ATP2B4: variants seen among roughly 807,000 people sequenced by gnomAD.
The protein encoded by ATP2B4 is ATPase plasma membrane Ca2+ transporting 4, also known as plasma membrane calcium-transporting ATPase 4.
ATP2B4 carries 39 observed loss-of-function variants against 110.3 expected under a neutral mutation model. The ratio of observed to expected loss-of-function variants is 0.35; its 90% CI spans 0.27 to 0.46. ATP2B4 has a LOEUF of 0.46. Ranked by LOEUF, ATP2B4 falls within the 20% of genes least tolerant of loss-of-function variation. ATP2B4 has a pLI of 1.00. For missense variants in ATP2B4, 1,135 were observed against 1,530.9 expected, an observed-to-expected ratio of 0.74 and a Z score of 4.32; for synonymous variants, 538 against 571.7, an observed-to-expected ratio of 0.94 and a Z score of 0.84.
At chr1:203,665,799 C>CAAAAA (rs11371841) in intron 1 of ATP2B4, among the ~76,000 whole-genome samples, 2 of 132,686 alleles carry the variant, frequency 1.5e-5, no homozygotes, top group South Asian at 2.5e-4. Context: ...GACTCCATCT[C>CAAAAA]AAAAAAAAAA....
intron 14 of ATP2B4, 37 bp downstream of exon 14, chr1:203,713,289 G>A: frequency 6.2e-7 from 1 of 1,610,846 alleles, no homozygotes. Flanking sequence ...TGCAACAGCT[G>A]AAGGCAGGCC....
In ATP2B4 at chr1:203,712,152, TA is replaced by T; in HGVS notation, c.2211+14del. 1 of 1,612,536 alleles carries T rather than the reference TA, an allele frequency of 6.2e-7. No homozygotes were observed. Among genetic ancestry groups the T allele is most frequent in the Admixed American group, 1.7e-5 (1 of 59,956 alleles). On this transcript the variant is annotated intron_variant, in intron 13 of 20. Coordinates refer to ENST00000357681, the MANE Select transcript of ATP2B4 (RefSeq NM_001684.5). ...CGAGAAAGGCGAGGTGGGTCCTGGC[TA>T]GGGGGAACCAGGACCTCACCTGACA... is the stretch of plus-strand genomic sequence containing the variant.
At chr1:203,723,457 T>TCTCTCTCTCTCC (rs1407579331) in intron 18 of ATP2B4, among the ~76,000 whole-genome samples, 3 of 113,576 alleles carry the variant, frequency 2.6e-5, no homozygotes, top group African/African-American at 3.8e-5. Context: ...TCTCTCTCTC[T>TCTCTCTCTCTCC]CTCCCTCTGC....
intron 2 of ATP2B4, among the ~76,000 whole-genome samples, chr1:203,686,685 C>CTTTTGTTTTTTTTTTTTTTTT (rs1665194016): frequency 1.6e-4 from 7 of 42,774 alleles, no homozygotes; most frequent in African/African-American, 7.1e-4. Flanking sequence ...TCTTTTCTTT[C>CTTTTGTTTTTTTTTTTTTTTT]TTTTTTTTTT....
chr1:203,701,189 G>C (rs1306875419), intron 6 of ATP2B4, among the ~76,000 whole-genome samples: 1 of 151,806 alleles, frequency 6.6e-6, no homozygotes, highest in Non-Finnish European at 1.5e-5. Context: ...AAAGGGATGA[G>C]TTATAAAGCC....
At chr1:203,644,833 C>G (rs922886307) in intron 1 of ATP2B4, among the ~76,000 whole-genome samples, 8 of 152,176 alleles carry the variant, frequency 5.3e-5, no homozygotes, top group Non-Finnish European at 2.9e-5. Context: ...TCTAAGGAAG[C>G]TCCACCTTTC....
intron 1 of ATP2B4, among the ~76,000 whole-genome samples, chr1:203,638,141 G>A (rs2102301527): frequency 6.6e-6 from 1 of 152,246 alleles, no homozygotes; most frequent in South Asian, 2.1e-4. Context: ...GAGATGGGGA[G>A]GAAGGGGTGT....
rs763460859 is a variant in ATP2B4 at position 203,712,121 on chromosome 1, C to T, written c.2193C>T (p.Ile731=). 1.9e-6 allele frequency: 3 copies of T among 1,613,994 alleles called. No homozygotes were observed. In the South Asian group the frequency reaches 3.3e-5, roughly 18 times the overall value. ...AAGGCAAAGAATTCAACCGGCTCAT[C>T]CGCAACGAGAAAGGCGAGGTGGGTC... The part of the protein sequence containing the change: ...CLEGKEFNRL[I]RNEKGEVEQE... Residue 731 remains isoleucine (I), a synonymous_variant, in exon 13 of 21, where the codon ATC becomes ATT. Coordinates refer to ENST00000357681, the MANE Select transcript of ATP2B4 (RefSeq NM_001684.5).
At chr1:203,653,981 ATATATTT>A (rs1205684571) in intron 1 of ATP2B4, among the ~76,000 whole-genome samples, 1 of 7,568 alleles carries the variant, frequency 1.3e-4, no homozygotes, top group African/African-American at 1.8e-4. Context: ...ATATATATAT[ATATATTT>A]TTTTTTTTTT....
intron 1 of ATP2B4, among the ~76,000 whole-genome samples, chr1:203,658,120 A>T (rs1205141848): frequency 3.3e-5 from 5 of 152,148 alleles, no homozygotes; most frequent in Admixed American, 2.6e-4. Context: ...GCACTGAGAA[A>T]CCAAAACAAT....
At chr1:203,698,997 A>G (rs893371840) in intron 3 of ATP2B4, among the ~76,000 whole-genome samples, 7 of 152,018 alleles carry the variant, frequency 4.6e-5, no homozygotes, top group Non-Finnish European at 4.4e-5. Flanking sequence ...TTGGTCTCAA[A>G]CCCCTGGGGT....
At chr1:203,633,105 C>T (rs1663325934) in intron 1 of ATP2B4, among the ~76,000 whole-genome samples, 1 of 152,208 alleles carries the variant, frequency 6.6e-6, no homozygotes, top group Admixed American at 6.5e-5. Context: ...GTGCCAGAAA[C>T]TAGAGCATGC....
Position 203,683,408 on chromosome 1 carries a change from A to G in ATP2B4, c.193+10A>G, listed in dbSNP as rs1218868651. 6 of 1,588,580 alleles carry G rather than the reference A, an allele frequency of 3.8e-6. No individual in the cohort carries two copies. The African/African-American group carries it at 4.0e-5, about 11-fold the overall frequency. ...ACCTCCCCTGTGGAAGGTAAAGGCC[A>G]TATCAGGGGTGGGGAGTTGGAGGAA... is the stretch of plus-strand genomic sequence containing the variant. On this transcript the variant is annotated intron_variant, in intron 2 of 20. Coordinates refer to ENST00000357681, the MANE Select transcript of ATP2B4 (RefSeq NM_001684.5).
intron 1 of ATP2B4, among the ~76,000 whole-genome samples, chr1:203,630,948 C>T (rs1663249737): frequency 1.3e-5 from 2 of 152,224 alleles, no homozygotes; most frequent in Admixed American, 1.3e-4. Context: ...AGTATCTCTC[C>T]TTGTGTCCTC....
chr1:203,699,908 C>G (rs1237921692), intron 4 of ATP2B4, among the ~76,000 whole-genome samples, 191 bp downstream of exon 4: 2 of 152,104 alleles, frequency 1.3e-5, no homozygotes, highest in Non-Finnish European at 2.9e-5. Flanking sequence ...AACTCTGTCG[C>G]AAGATTGTCA....
chr1:203,721,370 A>G lies in ATP2B4; in HGVS notation c.2772A>G (p.Ala924=), dbSNP rs375369635. ...TGATGAAGAACATCTTGGGCCATGC[A>G]TTCTATCAGCTCATTGTCATCTTTA... ...RTMMKNILGH[A]FYQLIVIFIL... is the part of the protein sequence containing the mutation. Residue 924 remains alanine, a synonymous_variant, in exon 17 of 21, where the codon GCA becomes GCG. Transcript: ENST00000357681. 6.1e-5 allele frequency: 99 copies of G among 1,613,996 alleles called. 1 individual carries two copies. Among genetic ancestry groups the G allele is most frequent in the Non-Finnish European group, 7.9e-5 (93 of 1,180,032 alleles).
At position 203,740,659 on chromosome 1, in the gene ATP2B4, C is replaced by G. The variant is rs1489255075; in HGVS notation, c.*805C>G. ...TTACCTTCTGCTTTTAAATTGCCAT[C>G]TTGTAAAGTGTATGTGGTTCTTAAG... On this transcript the variant is annotated 3_prime_UTR_variant, in exon 21 of 21. Transcript: ENST00000357681. 1 of 152,212 alleles carries G rather than the reference C, an allele frequency of 6.6e-6. No individual in the cohort carries two copies. Among genetic ancestry groups the G allele is most frequent in the Admixed American group, 6.5e-5 (1 of 15,276 alleles). The allele number at this position is 152,212 out of a possible 1,614,324, so 9.4% of individuals were successfully genotyped here. A position where few individuals can be genotyped will look rare whatever the true frequency, so the allele number is the denominator to read the frequency against.
chr1:203,697,259 A>G (rs892469574), intron 2 of ATP2B4, among the ~76,000 whole-genome samples: 8 of 152,136 alleles, frequency 5.3e-5, no homozygotes, highest in Admixed American at 2.0e-4. Flanking sequence ...GCTCCCCTAA[A>G]GCTCCTGGAT....
intron 1 of ATP2B4, among the ~76,000 whole-genome samples, chr1:203,651,861 C>G (rs1169258801): frequency 1.3e-5 from 2 of 151,614 alleles, no homozygotes; most frequent in Non-Finnish European, 2.9e-5. Context: ...AGTTCGAGAC[C>G]AGTTTGGCCA....
Sources: gnomAD v4.1 joint callset for allele counts (sites outside exome capture counted in the v4.1 genomes callset) on GRCh38, gnomAD v4.1.1 for gene constraint, MANE v1.5 for transcripts, NCBI Gene and HGNC (gene_info 2026-07-23, HGNC 2026-07-21) for gene names.